Variants in VRK2 observed in about 807,000 individuals in gnomAD.
VRK2 encodes the protein VRK serine/threonine kinase 2.
A neutral mutation model predicts 57.6 loss-of-function variants in VRK2; 60 were observed. The ratio of observed to expected loss-of-function variants is 1.04; its 90% CI spans 0.85 to 1.29. VRK2 has a LOEUF of 1.29. Ranked by LOEUF, VRK2 falls within the 50% of genes most tolerant of loss-of-function variation. The pLI is 0.00. For missense variants in VRK2, 705 were observed against 588.1 expected, an observed-to-expected ratio of 1.20 and a Z score of -2.06; for synonymous variants, 231 against 199.2, an observed-to-expected ratio of 1.16 and a Z score of -1.35.
intron 2 of VRK2, among the ~76,000 whole-genome samples, chr2:58,055,309 CAG>C (rs1394439308): frequency 6.6e-6 from 1 of 152,124 alleles, no homozygotes; most frequent in Non-Finnish European, 1.5e-5. Flanking sequence ...GTTTAAGTAT[CAG>C]GGGCCCAAAT....
At chr2:58,159,258 A>G in intron 12 of VRK2, 91 bp from the exon 13 acceptor site, 1 of 1,002,984 alleles carries the variant, frequency 1.0e-6, no homozygotes, top group Admixed American at 2.5e-5. Flanking sequence ...CTTGTATAAC[A>G]TTTTATTTAG....
upstream of VRK2, among the ~76,000 whole-genome samples, chr2:58,046,362 G>GT (rs1017887311): frequency 5.9e-5 from 9 of 152,218 alleles, no homozygotes; most frequent in Admixed American, 5.9e-4. Context: ...AACGCGGTGA[G>GT]TTACATACAG....
chr2:58,089,872 C>G, intron 7 of VRK2, 149 bp downstream of exon 7: 1 of 596,154 alleles, frequency 1.7e-6, no homozygotes, highest in Non-Finnish European at 3.0e-6. Context: ...CTAATTTAAT[C>G]TTTGTACCAA....
At chr2:58,003,555 A>T (rs1043737868) in intron 1 of VRK2, among the ~76,000 whole-genome samples, 6 of 152,144 alleles carry the variant, frequency 3.9e-5, no homozygotes, top group African/African-American at 1.4e-4. Flanking sequence ...AAAACTGCAA[A>T]TTATTTTTAG....
rs760589119 is a variant in VRK2, at chr2:58,146,374, A to G, written c.1082A>G (p.Glu361Gly). ...QVNKAHNRLI[E>G]KKVHSERSAE... is the part of the protein sequence containing the mutation. ...AACAAGGCACACAATAGGTTAATCG[A>G]AAAAAAAGTCCACAGTGAGAGAAGC... The change falls in exon 12 of 13, where the codon GAA becomes GGA. Residue 361 changes from glutamate (E) to glycine (G), a missense_variant. Transcript: ENST00000340157. The G allele has an allele frequency of 1.9e-5, 31 of 1,608,030 alleles. No individual in the cohort carries two copies. The highest frequency in any genetic ancestry group is 2.4e-5 in the Non-Finnish European group (28 of 1,176,198).
At chr2:58,064,914 A>G (rs1214216819) in intron 2 of VRK2, among the ~76,000 whole-genome samples, 1 of 152,112 alleles carries the variant, frequency 6.6e-6, no homozygotes, top group Non-Finnish European at 1.5e-5. Flanking sequence ...AACAAATACC[A>G]GTATCACTTT....
In VRK2 at chr2:58,001,692, C is replaced by T. The variant is rs541054204; in HGVS notation, c.-438-23973C>T. Among the ~76,000 whole-genome samples, 21 of 152,076 alleles carry T rather than the reference C, an allele frequency of 1.4e-4. No homozygotes were observed. In the South Asian group the frequency reaches 2.1e-3, roughly 15 times the overall value. On this transcript the variant is annotated intron_variant, in intron 1 of 15. Coordinates refer to the VRK2 transcript ENST00000417641. ...CAAAAATTAGCCAGGCGTGGTGTCG[C>T]GCACCTATAAGCCCAGCTACTTGGG...
chr2:58,089,167 T>A (rs1465381003), intron 6 of VRK2, among the ~76,000 whole-genome samples: 2 of 152,186 alleles, frequency 1.3e-5, no homozygotes, highest in Non-Finnish European at 2.9e-5. Flanking sequence ...GAGTTTTCTA[T>A]TACCATACAG....
chr2:58,138,606 G>C (rs1358793100), intron 10 of VRK2, among the ~76,000 whole-genome samples: 1 of 152,136 alleles, frequency 6.6e-6, no homozygotes, highest in African/African-American at 2.4e-5. Flanking sequence ...TGCCTCTGCA[G>C]TTTTCCTTTC....
intron 1 of VRK2, among the ~76,000 whole-genome samples, chr2:57,945,734 C>T (rs1343229312): frequency 6.6e-6 from 1 of 152,112 alleles, no homozygotes; most frequent in Non-Finnish European, 1.5e-5. Flanking sequence ...GGACTGCAAG[C>T]TCTTGGCAAT....
At chr2:58,026,889 CT>C (rs112267313) in intron 2 of VRK2, 185 of 141,702 alleles carry the variant, frequency 1.3e-3, no homozygotes, top group African/African-American at 1.6e-3. Context: ...TTTTTCTTTT[CT>C]TTTTTTTTTT....
At chr2:57,907,645 A>G (rs1389636939), upstream of VRK2, 2 of 152,258 alleles carry the variant, frequency 1.3e-5, no homozygotes, top group Non-Finnish European at 2.9e-5. Context: ...AACTCCCTCC[A>G]ACCCTGGCTA....
intron 7 of VRK2, among the ~76,000 whole-genome samples, chr2:58,101,179 G>A (rs112012097): frequency 8.6e-5 from 13 of 151,710 alleles, no homozygotes; most frequent in African/African-American, 1.9e-4. Context: ...TCCAGTGCTC[G>A]TAAGATTCCA....
chr2:58,159,197 A>G (rs1315826969), intron 12 of VRK2, 152 bp from the exon 13 acceptor site: 1 of 578,136 alleles, frequency 1.7e-6, no homozygotes, highest in Non-Finnish European at 3.0e-6. Context: ...AATCTTTAAG[A>G]TCTTTACCTA....
At chr2:57,932,341 C>T (rs543713651) in intron 1 of VRK2, among the ~76,000 whole-genome samples, 8 of 151,942 alleles carry the variant, frequency 5.3e-5, no homozygotes, top group Non-Finnish European at 1.2e-4. Flanking sequence ...CTCATTTTTC[C>T]GGAGATTTTT....
chr2:57,975,026 C>G (rs1177653126), intron 1 of VRK2, among the ~76,000 whole-genome samples: 2 of 151,764 alleles, frequency 1.3e-5, no homozygotes, highest in African/African-American at 4.8e-5. Context: ...AAACTTTATA[C>G]AGCATATCAT....
intron 1 of VRK2, among the ~76,000 whole-genome samples, chr2:57,916,570 C>T (rs1378159147): frequency 1.3e-5 from 2 of 152,116 alleles, no homozygotes; most frequent in Non-Finnish European, 1.5e-5. Flanking sequence ...AATAGCACTA[C>T]AATTTTTTTC....
intron 9 of VRK2, 141 bp from the exon 10 acceptor site, chr2:58,135,000 A>T (rs1679806357): frequency 1.3e-6 from 1 of 784,150 alleles, no homozygotes; most frequent in Non-Finnish European, 2.1e-6. Flanking sequence ...TTTCCTATCC[A>T]TTATAGTTGG....
At chr2:58,047,046 C>A in intron 1 of VRK2, 178 bp downstream of exon 1, 4 of 914,430 alleles carry the variant, frequency 4.4e-6, no homozygotes, top group African/African-American at 1.8e-5. Context: ...GCGTTTGGTT[C>A]TTTTTTCCCC....
Sources: gnomAD v4.1 joint callset for allele counts (sites outside exome capture counted in the v4.1 genomes callset) on GRCh38, gnomAD v4.1.1 for gene constraint, MANE v1.5 for transcripts, NCBI Gene and HGNC (gene_info 2026-07-23, HGNC 2026-07-21) for gene names.